The following PGCKA1 variants were observed in gnomAD, a reference collection of about 807,000 sequenced individuals.
PGCKA1 encodes the protein PDCD10 and GCKIII kinases-associated protein 1.
At chr4:37,583,435 GTTTTTGTTTTTT>G in the PGCKA1 span, among the ~76,000 whole-genome samples, 3 of 136,870 alleles carry the variant, frequency 2.2e-5, no homozygotes, top group African/African-American at 9.0e-5. Context: ...GTTTGTTTTT[GTTTTTGTTTTTT>G]TTTTTTTGAG....
chr4:37,533,096 T>G, the PGCKA1 span, among the ~76,000 whole-genome samples: 316 of 122,958 alleles, frequency 2.6e-3, 2 homozygotes, highest in African/African-American at 8.6e-3. Context: ...ACCCAATAGC[T>G]TATGGAAAAA....
the PGCKA1 span, chr4:37,584,131 T>A: frequency 6.6e-6 from 1 of 152,108 alleles, no homozygotes; most frequent in African/African-American, 2.4e-5. Context: ...AGAAATGAAT[T>A]AAATTTGATA....
At chr4:37,567,604 T>A in the PGCKA1 span, among the ~76,000 whole-genome samples, 1 of 152,182 alleles carries the variant, frequency 6.6e-6, no homozygotes, top group African/African-American at 2.4e-5. Flanking sequence ...GTGTGATCAA[T>A]CTTCCTGAAT....
chr4:37,546,508 C>T, the PGCKA1 span, among the ~76,000 whole-genome samples: 9 of 152,248 alleles, frequency 5.9e-5, no homozygotes, highest in Non-Finnish European at 8.8e-5. Context: ...GACCCTTTCA[C>T]GTACAATCTT....
chr4:37,487,460 G>A, the PGCKA1 span, among the ~76,000 whole-genome samples: 92,133 of 151,974 alleles, frequency 0.61, 28,168 homozygotes, highest in South Asian at 0.76. Flanking sequence ...TGCATTAACT[G>A]TAAGTTTTTT....
At chr4:37,485,775 G>A in the PGCKA1 span, among the ~76,000 whole-genome samples, 1 of 152,064 alleles carries the variant, frequency 6.6e-6, no homozygotes. Context: ...TAGTTTGCAT[G>A]TCAGTCAGCT....
chr4:37,564,971 C>CACACACACACACGT, the PGCKA1 span, among the ~76,000 whole-genome samples: 1 of 150,574 alleles, frequency 6.6e-6, no homozygotes, highest in Non-Finnish European at 1.5e-5. Flanking sequence ...CACACACGTA[C>CACACACACACACGT]ACACACACAC....
chr4:37,554,090 C>A, the PGCKA1 span, among the ~76,000 whole-genome samples: 26,995 of 152,046 alleles, frequency 0.18, 2,505 homozygotes, highest in Admixed American at 0.23. Flanking sequence ...GTGGTATTCT[C>A]ATGATACTGA....
chr4:37,498,196 C>G, the PGCKA1 span, among the ~76,000 whole-genome samples: 1 of 152,044 alleles, frequency 6.6e-6, no homozygotes, highest in African/African-American at 2.4e-5. Flanking sequence ...TTTTGTTTGC[C>G]TTGTCAAAGA....
the PGCKA1 span, among the ~76,000 whole-genome samples, chr4:37,502,415 A>G: frequency 6.6e-6 from 1 of 152,134 alleles, no homozygotes; most frequent in Admixed American, 6.5e-5. Context: ...GTGCTGGTGG[A>G]TGCAGGTCTG....
chr4:37,559,813 A>G, the PGCKA1 span, among the ~76,000 whole-genome samples: 2 of 152,016 alleles, frequency 1.3e-5, no homozygotes, highest in Non-Finnish European at 2.9e-5. Context: ...AACTTGCATT[A>G]TAATCTTCTA....
At chr4:37,533,062 T>TTGGGGGG in the PGCKA1 span, among the ~76,000 whole-genome samples, 1 of 152,068 alleles carries the variant, frequency 6.6e-6, no homozygotes, top group South Asian at 2.1e-4. Context: ...AATCATCTGG[T>TTGGGGGG]ATGTAACCAG....
At chr4:37,516,942 A>G in the PGCKA1 span, among the ~76,000 whole-genome samples, 1 of 152,162 alleles carries the variant, frequency 6.6e-6, no homozygotes, top group Non-Finnish European at 1.5e-5. Context: ...GGTTTCTAAA[A>G]ATTATAATCT....
chr4:37,508,683 C>CTTTTTTTTTTTTTTTTTTTTT, the PGCKA1 span, among the ~76,000 whole-genome samples: 125 of 84,616 alleles, frequency 1.5e-3, 12 homozygotes, highest in East Asian at 6.7e-3. Context: ...TTTGCTGAAT[C>CTTTTTTTTTTTTTTTTTTTTT]TTTTTTTTAG....
the PGCKA1 span, among the ~76,000 whole-genome samples, chr4:37,538,179 G>A: frequency 5.3e-5 from 8 of 152,232 alleles, no homozygotes; most frequent in East Asian, 1.5e-3. Context: ...AGAGTCTTAT[G>A]GTTATAACCT....
the PGCKA1 span, among the ~76,000 whole-genome samples, chr4:37,530,939 A>T: frequency 2.0e-5 from 3 of 151,250 alleles, no homozygotes; most frequent in African/African-American, 7.3e-5. Flanking sequence ...GAGCCGAGAG[A>T]GTGCCACTGC....
chr4:37,513,740 C>A, the PGCKA1 span, among the ~76,000 whole-genome samples: 1 of 152,242 alleles, frequency 6.6e-6, no homozygotes, highest in Admixed American at 6.5e-5. Context: ...TAACTCTGTA[C>A]AAACAGTTTT....
the PGCKA1 span, among the ~76,000 whole-genome samples, chr4:37,462,962 C>CAAAAA: frequency 1.2e-4 from 7 of 60,288 alleles, no homozygotes; most frequent in Non-Finnish European, 1.9e-4. Context: ...GACTCAGTAT[C>CAAAAA]AAAAAAAAAA....
the PGCKA1 span, among the ~76,000 whole-genome samples, chr4:37,493,512 C>A: frequency 1.3e-5 from 2 of 152,098 alleles, no homozygotes; most frequent in African/African-American, 2.4e-5. Context: ...CCTTTCCCTG[C>A]CACTCCACTG....
Sources: gnomAD v4.1 joint callset for allele counts (sites outside exome capture counted in the v4.1 genomes callset) on GRCh38, gnomAD v4.1.1 for gene constraint, MANE v1.5 for transcripts, NCBI Gene and HGNC (gene_info 2026-07-23, HGNC 2026-07-21) for gene names.